Variants in ABLIM3 observed in about 807,000 individuals in gnomAD.
The protein encoded by ABLIM3 is actin-binding LIM protein 3.
A neutral mutation model predicts 109.5 loss-of-function variants in ABLIM3; 61 were observed. That is an observed-to-expected ratio of 0.56 (90% confidence interval 0.45 to 0.69). The LOEUF (loss-of-function observed/expected upper bound fraction) is 0.69, where lower values mean the gene tolerates loss of function less well. ABLIM3 is among the 30% of genes least tolerant of loss of function. The pLI, the probability that ABLIM3 is intolerant of heterozygous loss-of-function variation, is 0.00. For synonymous variants in ABLIM3, 300 were observed against 324.8 expected (o/e 0.92, Z 0.82); for missense variants, 796 against 889.5 (o/e 0.89, Z 1.34).
At position 149,230,763 on chromosome 5, in the gene ABLIM3, A is replaced by G. The variant is rs906232835; in HGVS notation, c.816+56A>G. 1.9e-5 allele frequency: 30 copies of G among 1,588,416 alleles called. No individual in the cohort carries two copies. In the African/African-American group the frequency reaches 4.0e-4, roughly 21 times the overall value. On this transcript the variant is annotated intron_variant, in intron 9 of 23. Coordinates refer to ENST00000309868, the MANE Select transcript of ABLIM3 (RefSeq NM_014945.5). The stretch of plus-strand genomic sequence containing the variant: ...CTCCTGCTTTGCTACTTTCTGCCAC[A>G]GGCTAAGGGAGCTGTGCTTTGGGAC...
intron 2 of ABLIM3, among the ~76,000 whole-genome samples, chr5:149,150,085 G>A (rs981192350): frequency 6.6e-6 from 1 of 152,144 alleles, no homozygotes; most frequent in Non-Finnish European, 1.5e-5. Context: ...ATCCAATCAG[G>A]AGCCAGAGGG....
In ABLIM3 at chr5:149,248,039, A is replaced by G. The variant is rs538604151; in HGVS notation, c.1699+110A>G. ...GGCTCCCTTGAGGCACAGCCCATGC[A>G]TCCTCTCTCTTCTTCCTCACAGCAG... On this transcript the variant is annotated intron_variant, in intron 18 of 23. Coordinates refer to ENST00000309868, the MANE Select transcript of ABLIM3 (RefSeq NM_014945.5). The G allele has an allele frequency of 1.1e-3, 1,518 of 1,332,182 alleles. 1 individual carries two copies. Among genetic ancestry groups the G allele is most frequent in the Non-Finnish European group, 1.4e-3 (1,353 of 988,560 alleles). 82.5% of individuals were successfully genotyped at this position (1,332,182 alleles called of 1,614,324 possible). A position where few individuals can be genotyped will look rare whatever the true frequency, so the allele number is the denominator to read the frequency against.
intron 15 of ABLIM3, chr5:149,244,064 T>A (rs1753113234): frequency 6.6e-6 from 1 of 152,304 alleles, no homozygotes; most frequent in Admixed American, 6.5e-5. Context: ...TAGCTGACCA[T>A]GAGAAATGGT....
Position 149,259,488 on chromosome 5 carries a change from C to T in ABLIM3, c.*1084C>T. 1 of 1,536,036 alleles carries T rather than the reference C, an allele frequency of 6.5e-7. No individual in the cohort carries two copies. Among genetic ancestry groups the T allele is most frequent in the Non-Finnish European group, 8.7e-7 (1 of 1,146,896 alleles). On this transcript the variant is annotated 3_prime_UTR_variant, in exon 24 of 24. Transcript: ENST00000309868. ...TCTGGTCTGTGGGCTGGCAGGGCAA[C>T]CATACCATACCCCCGCCAGTCCTCG...
intron 5 of ABLIM3, among the ~76,000 whole-genome samples, chr5:149,202,684 G>A (rs1269051364): frequency 6.6e-6 from 1 of 152,120 alleles, no homozygotes; most frequent in East Asian, 1.9e-4. Flanking sequence ...AAGATATTCT[G>A]GAAAGTCAGG....
At chr5:149,227,707 C>T (rs1001229187) in intron 8 of ABLIM3, among the ~76,000 whole-genome samples, 1 of 152,188 alleles carries the variant, frequency 6.6e-6, no homozygotes, top group African/African-American at 2.4e-5. Context: ...CAGTTTGACA[C>T]ACCCCAATAT....
intron 2 of ABLIM3, among the ~76,000 whole-genome samples, chr5:149,148,158 G>C (rs976539317): frequency 6.6e-6 from 1 of 152,162 alleles, no homozygotes; most frequent in African/African-American, 2.4e-5. Flanking sequence ...AAAAACAAGA[G>C]CATGCTTAGT....
intron 2 of ABLIM3, among the ~76,000 whole-genome samples, chr5:149,142,441 C>T (rs889413223): frequency 6.6e-6 from 1 of 152,156 alleles, no homozygotes; most frequent in Non-Finnish European, 1.5e-5. Flanking sequence ...ACTCCCTGCA[C>T]ACATCTGGAA....
chr5:149,239,762 A>G lies in ABLIM3; in HGVS notation c.1078A>G (p.Ile360Val), dbSNP rs1177622107. ...ACAGCCCCATTTCCTCTCCCAGGAC[A>G]TCTACGAGAACCTGGACCTCCGGCA... The part of the protein sequence containing the change: ...LGTLSPYSQD[I>V]YENLDLRQRR... Residue 360 changes from isoleucine (I) to valine (V), a missense_variant, in exon 13 of 24, where the codon ATC (isoleucine) becomes GTC (valine). Physicochemically the swap from Ile to Val is conservative, Grantham distance 29. Transcript: ENST00000309868. 2 of 1,602,872 alleles carry G rather than the reference A, an allele frequency of 1.2e-6. No individual in the cohort carries two copies. Among genetic ancestry groups the G allele is most frequent in the East Asian group, 2.3e-5 (1 of 43,674 alleles).
intron 2 of ABLIM3, among the ~76,000 whole-genome samples, chr5:149,166,855 T>C (rs1754884266): frequency 6.6e-6 from 1 of 152,356 alleles, no homozygotes; most frequent in East Asian, 1.9e-4. Flanking sequence ...AATATGTAAA[T>C]GAGTAAGCAA....
chr5:149,178,116 G>C (rs1299177419), intron 2 of ABLIM3, among the ~76,000 whole-genome samples: 2 of 152,142 alleles, frequency 1.3e-5, no homozygotes, highest in African/African-American at 4.8e-5. Context: ...TCGGCACCTG[G>C]GCCCTGGCTC....
chr5:149,253,880 G>C (rs1484462042), intron 23 of ABLIM3, among the ~76,000 whole-genome samples: 1 of 152,122 alleles, frequency 6.6e-6, no homozygotes, highest in Non-Finnish European at 1.5e-5. Flanking sequence ...CCTGAGACTG[G>C]GTAATTTATA....
intron 2 of ABLIM3, among the ~76,000 whole-genome samples, chr5:149,180,663 A>G (rs762130553): frequency 1.3e-5 from 2 of 152,314 alleles, no homozygotes; most frequent in East Asian, 1.9e-4. Context: ...TGGTGTATGT[A>G]TGTATTAATA....
At chr5:149,213,733 G>C (rs556130014) in intron 7 of ABLIM3, among the ~76,000 whole-genome samples, 6 of 152,172 alleles carry the variant, frequency 3.9e-5, no homozygotes, top group African/African-American at 1.4e-4. Flanking sequence ...GCGGTAGACT[G>C]TTCCTCCCAG....
chr5:149,166,443 T>C (rs1754837446), intron 2 of ABLIM3, among the ~76,000 whole-genome samples: 1 of 152,218 alleles, frequency 6.6e-6, no homozygotes, highest in Non-Finnish European at 1.5e-5. Flanking sequence ...GCTCTGGCCA[T>C]TGGGAAATTT....
At chr5:149,209,070 G>A (rs1321054886) in intron 6 of ABLIM3, among the ~76,000 whole-genome samples, 1 of 152,188 alleles carries the variant, frequency 6.6e-6, no homozygotes, top group Non-Finnish European at 1.5e-5. Flanking sequence ...TAGGTGAGCT[G>A]AGGTCACATC....
chr5:149,177,296 G>T (rs1313726768), intron 2 of ABLIM3, among the ~76,000 whole-genome samples: 1 of 152,178 alleles, frequency 6.6e-6, no homozygotes, highest in African/African-American at 2.4e-5. Context: ...GGTGACACCT[G>T]CATGGTCCTT....
chr5:149,142,124 T>TCTCCTTTG lies in ABLIM3; in HGVS notation c.13+18_13+25dup, dbSNP rs1752512442. On this transcript the variant is annotated intron_variant, in intron 2 of 23. Transcript: ENST00000309868. ...AACACTAGCAGTAAGTGGATCCTCC[T>TCTCCTTTG]CTCCTTTGCCATGGGAACAGGGGTG... 1.2e-6 allele frequency: 2 copies of TCTCCTTTG among 1,606,560 alleles called. No homozygotes were observed. Among genetic ancestry groups the TCTCCTTTG allele is most frequent in the African/African-American group, 2.7e-5 (2 of 73,652 alleles).
At chr5:149,195,118 C>T (rs1489292120) in intron 3 of ABLIM3, among the ~76,000 whole-genome samples, 1 of 152,146 alleles carries the variant, frequency 6.6e-6, no homozygotes, top group East Asian at 1.9e-4. Context: ...ACTTTCTGTT[C>T]TAGATGTGTC....
Sources: gnomAD v4.1 joint callset for allele counts (sites outside exome capture counted in the v4.1 genomes callset) on GRCh38, gnomAD v4.1.1 for gene constraint, MANE v1.5 for transcripts, NCBI Gene and HGNC (gene_info 2026-07-23, HGNC 2026-07-21) for gene names.